Variants in DESI2 observed in about 807,000 individuals in gnomAD.
DESI2 encodes the protein deubiquitinase DESI2.
DESI2 carries 10 observed loss-of-function variants against 24.1 expected under a neutral mutation model. The observed-to-expected ratio is 0.41, with a 90% CI of 0.26 to 0.70. The LOEUF is 0.70. Ranked by LOEUF, DESI2 falls within the 30% of genes least tolerant of loss-of-function variation. DESI2 has a pLI of 0.29. For synonymous variants in DESI2, 71 were observed against 87.7 expected (o/e 0.81, Z 1.06); for missense variants, 122 against 234.9 (o/e 0.52, Z 3.14).
chr1:244,674,776 G>A (rs1014650463), intron 1 of DESI2, among the ~76,000 whole-genome samples: 1 of 152,106 alleles, frequency 6.6e-6, no homozygotes, highest in Non-Finnish European at 1.5e-5. Flanking sequence ...TAAACATGTA[G>A]TTGTTTCTAC....
In DESI2 at chr1:244,672,763, G is replaced by C. The variant is rs764712696; in HGVS notation, c.43-13834G>C. Among the ~76,000 whole-genome samples the C allele has an allele frequency of 2.6e-5, 4 of 152,044 alleles. No individual in the cohort carries two copies. In the South Asian group the frequency reaches 8.3e-4, roughly 32 times the overall value. On this transcript the variant is annotated intron_variant, in intron 1 of 4. Coordinates refer to ENST00000302550, the MANE Select transcript of DESI2 (RefSeq NM_016076.5). Reference sequence around the variant, plus strand: ...ATGGTGGCATATGCCTGTAATCCCAGCTACTCTGGAGGCTGAGACAGGAGA... The same window carrying C: ...ATGGTGGCATATGCCTGTAATCCCACCTACTCTGGAGGCTGAGACAGGAGA...
At chr1:244,692,161 T>C in intron 4 of DESI2, 141 bp downstream of exon 4, 1 of 732,846 alleles carries the variant, frequency 1.4e-6, no homozygotes. Flanking sequence ...ATTTCAATCT[T>C]GTATGAATGA....
intron 4 of DESI2, among the ~76,000 whole-genome samples, chr1:244,699,001 ACT>A (rs1398985141): frequency 2.6e-5 from 4 of 152,116 alleles, no homozygotes; most frequent in Non-Finnish European, 5.9e-5. Context: ...GGAAAGTTTC[ACT>A]GTGTTTACTT....
chr1:244,686,250 CTG>C (rs767500032), intron 1 of DESI2, among the ~76,000 whole-genome samples: 8 of 150,450 alleles, frequency 5.3e-5, no homozygotes, highest in Admixed American at 2.7e-4. Flanking sequence ...AAAGCACACT[CTG>C]TGTGTGTGTG....
At chr1:244,672,661 G>A (rs1418937215) in intron 1 of DESI2, among the ~76,000 whole-genome samples, 2 of 152,046 alleles carry the variant, frequency 1.3e-5, no homozygotes, top group African/African-American at 2.4e-5. Flanking sequence ...GGCGGATCAC[G>A]AGGTCAGGAG....
intron 4 of DESI2, among the ~76,000 whole-genome samples, chr1:244,695,430 G>A (rs576646791): frequency 1.3e-5 from 2 of 152,316 alleles, no homozygotes; most frequent in Admixed American, 6.5e-5. Context: ...AAGGTCGGGG[G>A]ATCACAAGGT....
In DESI2 at chr1:244,707,912, TCCTA is replaced by T. The variant is rs1677774023; in HGVS notation, c.*2124_*2127del. The T allele has an allele frequency of 6.6e-6, 1 of 152,212 alleles. No individual in the cohort carries two copies. Among genetic ancestry groups the T allele is most frequent in the Non-Finnish European group, 1.5e-5 (1 of 68,044 alleles). The allele number at this position is 152,212 out of a possible 1,614,324, so 9.4% of individuals were successfully genotyped here. A position where few individuals can be genotyped will look rare whatever the true frequency, so the allele number is the denominator to read the frequency against. On this transcript the variant is annotated 3_prime_UTR_variant, in exon 5 of 5. Transcript: ENST00000302550. ...GTAAAGGGTTCTAGTAGAAATAGTG[TCCTA>T]AGGCCAATTACCTACCATACTAACA...
chr1:244,665,335 C>T (rs1015031461), intron 1 of DESI2, among the ~76,000 whole-genome samples: 1 of 152,144 alleles, frequency 6.6e-6, no homozygotes, highest in Non-Finnish European at 1.5e-5. Flanking sequence ...AAAATCTGCG[C>T]TCCTAACTGT....
intron 1 of DESI2, among the ~76,000 whole-genome samples, chr1:244,669,103 A>G (rs1032573279): frequency 1.3e-5 from 2 of 151,904 alleles, no homozygotes; most frequent in Non-Finnish European, 2.9e-5. Context: ...CCAACCTCCA[A>G]CAAACCTCCC....
Position 244,691,955 on chromosome 1 carries a change from T to A in DESI2, c.286T>A (p.Tyr96Asn). The part of the protein sequence containing the change: ...EKIVEELGKE[Y>N]KGNAYHLMHK... Reference sequence around the variant, plus strand: ...AATTGTAGAAGAACTGGGAAAAGAATACAAAGGCAATGCTTATCATTTAAT... The same window carrying A: ...AATTGTAGAAGAACTGGGAAAAGAAAACAAAGGCAATGCTTATCATTTAAT... Residue 96 changes from tyrosine to asparagine, a missense_variant, in exon 4 of 5, where the codon TAC becomes AAC. Physicochemically the swap from Tyr to Asn is moderately radical, Grantham distance 143 (BLOSUM62 -2). This residue lies in a region of DESI2 where 23 missense variants were observed against 28.5 expected (regional missense o/e 0.81). Transcript: ENST00000302550. 6.2e-7 allele frequency: 1 copy of A among 1,605,038 alleles called. No individual in the cohort carries two copies. The highest frequency in any genetic ancestry group is 8.5e-7 in the Non-Finnish European group (1 of 1,178,206).
At chr1:244,688,148 A>G (rs1676887234) in intron 2 of DESI2, among the ~76,000 whole-genome samples, 1 of 152,232 alleles carries the variant, frequency 6.6e-6, no homozygotes, top group South Asian at 2.1e-4. Flanking sequence ...GTTCATGTAA[A>G]TTTAGTAAAG....
In DESI2 at chr1:244,683,412, T is replaced by C. The variant is rs12030722; in HGVS notation, c.43-3185T>C. Among the ~76,000 whole-genome samples, 1,010 of 151,202 alleles carry C rather than the reference T, an allele frequency of 6.7e-3. 11 individuals are homozygous for C. Among genetic ancestry groups the C allele is most frequent in the African/African-American group, 0.023 (927 of 41,134 alleles). ...CTGCAAGCTCCGCCTCCCAGGTTCA[T>C]GCCATTCTCCTGCCTCAGCCTCCTG... On this transcript the variant is annotated intron_variant, in intron 1 of 4. Transcript: ENST00000302550.
intron 2 of DESI2, 75 bp downstream of exon 2, chr1:244,686,744 G>A (rs1676838736): frequency 1.1e-6 from 1 of 907,916 alleles, no homozygotes. Flanking sequence ...CATAACTATA[G>A]GTCTCTCTTT....
chr1:244,691,545 G>A (rs1677031795), intron 3 of DESI2, among the ~76,000 whole-genome samples: 1 of 152,346 alleles, frequency 6.6e-6, no homozygotes, highest in African/African-American at 2.4e-5. Flanking sequence ...CATGGATCTG[G>A]TTCCCTAATA....
intron 3 of DESI2, among the ~76,000 whole-genome samples, chr1:244,691,607 C>T (rs1001240345): frequency 6.6e-6 from 1 of 152,184 alleles, no homozygotes; most frequent in Admixed American, 6.5e-5. Context: ...TTACATGTTA[C>T]ATAAGGACAT....
chr1:244,671,792 A>G (rs1397621946), intron 1 of DESI2, among the ~76,000 whole-genome samples: 1 of 152,196 alleles, frequency 6.6e-6, no homozygotes, highest in Non-Finnish European at 1.5e-5. Context: ...ATTTTCTGTT[A>G]GAAAAATAGC....
intron 1 of DESI2, among the ~76,000 whole-genome samples, chr1:244,668,206 C>A (rs1284602253): frequency 6.6e-6 from 1 of 152,116 alleles, no homozygotes; most frequent in African/African-American, 2.4e-5. Flanking sequence ...ATCAAAGTTG[C>A]TTTGTTTATA....
intron 1 of DESI2, among the ~76,000 whole-genome samples, chr1:244,672,917 GAATAACTGCCAGCAGT>G (rs1676297005): frequency 6.6e-6 from 1 of 151,950 alleles, no homozygotes. Flanking sequence ...ATTTCAGCAT[GAATAACTGCCAGCAGT>G]AAATCATTAT....
rs11289156 is a variant in DESI2, at chr1:244,693,435, C to CT, written c.351+1427dup. ...CCATATGAGTGCTGAATTGTTTGTTCTTTTTTTTTTTTGAGATGCAGTTTT... is the reference window on the plus strand; with the variant it reads ...CCATATGAGTGCTGAATTGTTTGTTCTTTTTTTTTTTTTGAGATGCAGTTTT... On this transcript the variant is annotated intron_variant, in intron 4 of 4. Transcript: ENST00000302550. Among the ~76,000 whole-genome samples the CT allele has an allele frequency of 1.2e-3, 179 of 146,806 alleles. 1 individual carries two copies. The highest frequency in any genetic ancestry group is 3.5e-3 in the Middle Eastern group (1 of 282).
Sources: gnomAD v4.1 joint callset for allele counts (sites outside exome capture counted in the v4.1 genomes callset) on GRCh38, gnomAD v4.1.1 for gene constraint, gnomAD v4.1.1 regional missense constraint, MANE v1.5 for transcripts, NCBI Gene and HGNC (gene_info 2026-07-23, HGNC 2026-07-21) for gene names.